Variants in LDB2 observed in about 807,000 individuals in gnomAD.
LDB2 encodes LIM domain binding 2.
A neutral mutation model predicts 44.3 loss-of-function variants in LDB2; 12 were observed. The observed-to-expected ratio is 0.27, with a 90% CI of 0.17 to 0.44. LDB2 has a LOEUF of 0.44. LDB2 is among the 20% of genes least tolerant of loss of function. LDB2 has a pLI of 1.00. For missense variants in LDB2, 344 were observed against 473.5 expected (o/e 0.73, Z 2.54); for synonymous variants, 164 against 174.8 (o/e 0.94, Z 0.49).
In LDB2 at chr4:16,768,847, T is replaced by C. The variant is rs574533703; in HGVS notation, c.133-9587A>G. Among the ~76,000 whole-genome samples the C allele has an allele frequency of 1.1e-3, 171 of 152,300 alleles. 2 individuals are homozygous for C. Among genetic ancestry groups the C allele is most frequent in the Middle Eastern group, 6.8e-3 (2 of 294 alleles). ...CCTCACCATGACCCTATAATATAAG[T>C]AGCATTATTAACCCCATCTTATAGA... On this transcript the variant is annotated intron_variant, in intron 1 of 7. Transcript: ENST00000304523.
chr4:16,742,815 G>A (rs558913082), intron 2 of LDB2, among the ~76,000 whole-genome samples: 6 of 152,188 alleles, frequency 3.9e-5, no homozygotes, highest in South Asian at 4.1e-4. Context: ...CCATTTTCCC[G>A]AAATACCTTC....
intron 2 of LDB2, among the ~76,000 whole-genome samples, chr4:16,609,648 T>C (rs1160646589): frequency 1.3e-5 from 2 of 152,140 alleles, no homozygotes; most frequent in African/African-American, 4.8e-5. Flanking sequence ...AGTGCTTCCC[T>C]GCAGGATCTC....
At position 16,692,994 on chromosome 4, in the gene LDB2, C is replaced by G. The variant is rs533651435; in HGVS notation, c.235+66164G>C. Reference sequence around the variant, plus strand: ...CTCCTAATATTTTCTTCCCTGCCCCCCAGAGCTAGCTATTTTTAGAGTGGG... The same window carrying G: ...CTCCTAATATTTTCTTCCCTGCCCCGCAGAGCTAGCTATTTTTAGAGTGGG... On this transcript the variant is annotated intron_variant, in intron 2 of 7. Transcript: ENST00000304523. 1.5e-3 allele frequency among the ~76,000 whole-genome samples: 223 copies of G among 152,270 alleles called. 1 individual carries two copies. The highest frequency in any genetic ancestry group is 4.7e-3 in the African/African-American group (196 of 41,544).
chr4:16,768,009 G>A (rs1157282719), intron 1 of LDB2, among the ~76,000 whole-genome samples: 2 of 152,092 alleles, frequency 1.3e-5, no homozygotes, highest in Non-Finnish European at 2.9e-5. Context: ...GGATCCCGGT[G>A]CCAGGGCTGC....
intron 5 of LDB2, among the ~76,000 whole-genome samples, chr4:16,568,924 G>T (rs1279069596): frequency 6.6e-6 from 1 of 152,182 alleles, no homozygotes; most frequent in African/African-American, 2.4e-5. Context: ...CGCAGGCAAG[G>T]TTTTATCTTT....
At chr4:16,521,394 C>G (rs1210082896) in intron 5 of LDB2, among the ~76,000 whole-genome samples, 1 of 152,106 alleles carries the variant, frequency 6.6e-6, no homozygotes, top group Non-Finnish European at 1.5e-5. Flanking sequence ...CCCTATGTGT[C>G]TGTGTCCTCT....
chr4:16,651,617 A>G (rs1738298507), intron 2 of LDB2, among the ~76,000 whole-genome samples: 2 of 151,990 alleles, frequency 1.3e-5, no homozygotes, highest in South Asian at 4.2e-4. Context: ...CTTATAATAA[A>G]ATTTGGAAGC....
chr4:16,606,227 T>C (rs1723896335), intron 2 of LDB2, among the ~76,000 whole-genome samples: 1 of 152,252 alleles, frequency 6.6e-6, no homozygotes, highest in Non-Finnish European at 1.5e-5. Flanking sequence ...TATGTTAGTG[T>C]ACATAAGAAG....
intron 5 of LDB2, among the ~76,000 whole-genome samples, chr4:16,571,420 G>A (rs1427671117): frequency 1.3e-5 from 2 of 150,152 alleles, no homozygotes; most frequent in African/African-American, 4.9e-5. Flanking sequence ...AGTTTTTGGT[G>A]TTCTCGATCC....
chr4:16,862,732 C>T (rs1713115003), intron 1 of LDB2, among the ~76,000 whole-genome samples: 1 of 148,584 alleles, frequency 6.7e-6, no homozygotes, highest in Admixed American at 6.7e-5. Flanking sequence ...ACAATGTTTG[C>T]AACCATCAGT....
chr4:16,758,988 C>A (rs1218303257), intron 2 of LDB2, among the ~76,000 whole-genome samples, 170 bp downstream of exon 2: 1 of 152,126 alleles, frequency 6.6e-6, no homozygotes, highest in Non-Finnish European at 1.5e-5. Flanking sequence ...CCTGTCAGAG[C>A]CAACTAGGGC....
chr4:16,875,525 CT>C (rs2110381531), intron 1 of LDB2, among the ~76,000 whole-genome samples: 1 of 152,220 alleles, frequency 6.6e-6, no homozygotes, highest in African/African-American at 2.4e-5. Flanking sequence ...TAAAAATCAA[CT>C]GCATTTTAGA....
chr4:16,643,271 G>A lies in LDB2; in HGVS notation c.236-47396C>T, dbSNP rs142215812. On this transcript the variant is annotated intron_variant, in intron 2 of 7. Coordinates refer to ENST00000304523, the MANE Select transcript of LDB2 (RefSeq NM_001290.5). ...ACCACCCAGAGCATGACATACCTAC[G>A]TTCAAATCCTAATGCCACACTCCGT... is the stretch of plus-strand genomic sequence containing the variant. Among the ~76,000 whole-genome samples, 36 of 152,160 alleles carry A rather than the reference G, an allele frequency of 2.4e-4. No homozygotes were observed. In the East Asian group the frequency reaches 6.6e-3, roughly 28 times the overall value.
intron 2 of LDB2, among the ~76,000 whole-genome samples, chr4:16,739,790 A>G (rs1200525175): frequency 1.4e-5 from 2 of 144,616 alleles, no homozygotes; most frequent in African/African-American, 5.1e-5. Flanking sequence ...ATTGCATTTT[A>G]TACCTGAATT....
chr4:16,727,666 T>C (rs1759815389), intron 2 of LDB2, among the ~76,000 whole-genome samples: 2 of 152,216 alleles, frequency 1.3e-5, no homozygotes, highest in African/African-American at 4.8e-5. Flanking sequence ...GCCTTATCAA[T>C]AGCCAGTGTT....
chr4:16,662,768 G>A (rs1178778496), intron 2 of LDB2, among the ~76,000 whole-genome samples: 10 of 151,872 alleles, frequency 6.6e-5, no homozygotes, highest in East Asian at 3.9e-4. Context: ...TTTGTTCCTC[G>A]TTTGACTTCC....
intron 2 of LDB2, among the ~76,000 whole-genome samples, chr4:16,611,333 G>T (rs1175544160): frequency 6.6e-6 from 1 of 152,126 alleles, no homozygotes; most frequent in African/African-American, 2.4e-5. Context: ...CCAAATGGCA[G>T]CATGATGACA....
chr4:16,514,397 C>T lies in LDB2; in HGVS notation c.616-2293G>A, dbSNP rs534405044. On this transcript the variant is annotated intron_variant, in intron 5 of 7. Transcript: ENST00000304523. ...TTTGAGGTCCACTTACCTATATATC[C>T]AGGGCTTTCGAACAGATAATAGAGA... Among the ~76,000 whole-genome samples, 97 of 152,272 alleles carry T rather than the reference C, an allele frequency of 6.4e-4. 1 individual carries two copies. Among genetic ancestry groups the T allele is most frequent in the African/African-American group, 2.3e-3 (96 of 41,548 alleles).
intron 1 of LDB2, among the ~76,000 whole-genome samples, chr4:16,848,922 G>A (rs546936004): frequency 2.0e-5 from 3 of 152,156 alleles, no homozygotes; most frequent in Non-Finnish European, 2.9e-5. Flanking sequence ...CTGCATGGCC[G>A]CCTGAAAGCT....
Sources: allele counts gnomAD v4.1 joint callset (sites outside exome capture counted in the v4.1 genomes callset), GRCh38; gene constraint gnomAD v4.1.1; transcripts MANE v1.5; gene names NCBI Gene and HGNC (gene_info 2026-07-23, HGNC 2026-07-21).